Variants in KHDRBS2 observed in about 807,000 individuals in gnomAD.
The protein encoded by KHDRBS2 is KH RNA binding domain containing, signal transduction associated 2.
KHDRBS2 carries 26 observed loss-of-function variants against 44.3 expected under a neutral mutation model. The ratio of observed to expected loss-of-function variants is 0.59; its 90% CI spans 0.43 to 0.81. The LOEUF (loss-of-function observed/expected upper bound fraction) is 0.81. Among genes scored for constraint, KHDRBS2 ranks in the 40% least tolerant of loss-of-function variants. The pLI is 0.00. For missense variants in KHDRBS2, 476 were observed against 433.1 expected (o/e 1.10, Z -0.88); for synonymous variants, 194 against 151.1 (o/e 1.28, Z -2.08).
chr6:62,281,776 A>C (rs1370532514), intron 1 of KHDRBS2, among the ~76,000 whole-genome samples: 1 of 152,158 alleles, frequency 6.6e-6, no homozygotes, highest in African/African-American at 2.4e-5. Context: ...TAGATGAAGA[A>C]ACTGAGTATC....
At chr6:61,550,766 C>CTTT in the KHDRBS2 span, among the ~76,000 whole-genome samples, 19,641 of 116,638 alleles carry the variant, frequency 0.17, 2,272 homozygotes, top group African/African-American at 0.23. Flanking sequence ...GAGATGGTAT[C>CTTT]TTTTTTTTTT....
intron 1 of KHDRBS2, among the ~76,000 whole-genome samples, chr6:62,240,651 T>A (rs1834458930): frequency 1.1e-5 from 1 of 92,916 alleles, no homozygotes; most frequent in Non-Finnish European, 2.1e-5. Context: ...TGTGTGTGTA[T>A]GTGTGTATGT....
the KHDRBS2 span, among the ~76,000 whole-genome samples, chr6:61,608,003 T>G: frequency 2.0e-5 from 3 of 152,132 alleles, no homozygotes; most frequent in African/African-American, 7.2e-5. Flanking sequence ...ATTTCTTTAA[T>G]GTAGCCAATG....
At chr6:61,635,543 A>C in the KHDRBS2 span, among the ~76,000 whole-genome samples, 1 of 152,028 alleles carries the variant, frequency 6.6e-6, no homozygotes, top group Non-Finnish European at 1.5e-5. Flanking sequence ...GTTGCATATC[A>C]CCTGAAATTG....
At chr6:61,781,415 G>C (rs966872519) in intron 6 of KHDRBS2, among the ~76,000 whole-genome samples, 2 of 152,024 alleles carry the variant, frequency 1.3e-5, no homozygotes, top group Non-Finnish European at 2.9e-5. Flanking sequence ...CTAGAAATTT[G>C]TTTTTGAAAA....
At chr6:62,021,906 T>C (rs1422878109) in intron 3 of KHDRBS2, among the ~76,000 whole-genome samples, 2 of 138,484 alleles carry the variant, frequency 1.4e-5, no homozygotes, top group East Asian at 4.2e-4. Flanking sequence ...ATATGCTTTG[T>C]GAAAAAAGGT....
rs1821324076 is a variant in KHDRBS2, at chr6:62,177,267, T to C, written c.137A>G (p.Glu46Gly). The C allele has an allele frequency of 1.2e-6, 2 of 1,602,230 alleles. No individual in the cohort carries two copies. The highest frequency in any genetic ancestry group is 1.7e-6 in the Non-Finnish European group (2 of 1,171,726). Residue 46 changes from glutamate to glycine, a missense_variant, in exon 2 of 9, where the codon GAA (glutamate) becomes GGA (glycine). Transcript: ENST00000281156. ...GCTGATGACATCAAGATACTTCTTTTCTTCGTCTTCCTTTTTTCCATCAGA... is the reference window on the plus strand; with the variant it reads ...GCTGATGACATCAAGATACTTCTTTCCTTCGTCTTCCTTTTTTCCATCAGA... Reference protein sequence around the residue: ...QGSDGKKEDEEKKYLDVISNK... With the variant: ...QGSDGKKEDEGKKYLDVISNK...
At chr6:61,880,710 A>C (rs1800084705) in intron 6 of KHDRBS2, among the ~76,000 whole-genome samples, 1 of 151,906 alleles carries the variant, frequency 6.6e-6, no homozygotes, top group Non-Finnish European at 1.5e-5. Flanking sequence ...TATCTCCTAA[A>C]ATCTTTTCCT....
At chr6:62,191,435 C>T (rs1352458681) in intron 1 of KHDRBS2, among the ~76,000 whole-genome samples, 3 of 152,060 alleles carry the variant, frequency 2.0e-5, no homozygotes, top group South Asian at 2.1e-4. Flanking sequence ...TGCATGACTG[C>T]CCCATCCCAG....
At chr6:61,657,030 G>T in the KHDRBS2 span, among the ~76,000 whole-genome samples, 1 of 151,862 alleles carries the variant, frequency 6.6e-6, no homozygotes, top group East Asian at 1.9e-4. Flanking sequence ...AGAAAGGAGT[G>T]GGGAAGCCGA....
intron 6 of KHDRBS2, among the ~76,000 whole-genome samples, chr6:61,849,547 AT>A (rs1248739567): frequency 2.0e-5 from 3 of 151,932 alleles, no homozygotes; most frequent in Middle Eastern, 3.4e-3. Flanking sequence ...GAAATTTAAC[AT>A]TTTTCTTTGG....
chr6:62,173,406 A>G (rs375914883), intron 2 of KHDRBS2, among the ~76,000 whole-genome samples: 1 of 152,208 alleles, frequency 6.6e-6, no homozygotes, highest in African/African-American at 2.4e-5. Flanking sequence ...GAATCCCTAA[A>G]CAGACCAATA....
chr6:61,966,056 T>C (rs1769861336), intron 4 of KHDRBS2, among the ~76,000 whole-genome samples: 1 of 151,998 alleles, frequency 6.6e-6, no homozygotes, highest in Admixed American at 6.6e-5. Flanking sequence ...GACCAACTGT[T>C]ATGATTGATA....
intron 1 of KHDRBS2, among the ~76,000 whole-genome samples, chr6:62,272,552 T>C (rs1840256908): frequency 1.3e-5 from 2 of 152,204 alleles, no homozygotes; most frequent in African/African-American, 4.8e-5. Context: ...ATGCTCACCA[T>C]GGATCATAGC....
rs146872490 is a variant in KHDRBS2, at chr6:61,884,238, C to A, written c.810+10397G>T. Among the ~76,000 whole-genome samples the A allele has an allele frequency of 1.5e-3, 229 of 152,074 alleles. 1 individual carries two copies. Among genetic ancestry groups the A allele is most frequent in the Admixed American group, 3.9e-3 (60 of 15,248 alleles). On this transcript the variant is annotated intron_variant, in intron 6 of 8. Transcript: ENST00000281156. ...TAGATGATAGGATAGGCTGGAATGC[C>A]GATAGGCTTACTTAAGGCTGATGAA...
intron 7 of KHDRBS2, among the ~76,000 whole-genome samples, chr6:61,717,115 TA>T (rs377359780): frequency 1.8e-4 from 28 of 152,168 alleles, no homozygotes; most frequent in African/African-American, 6.3e-4. Flanking sequence ...TAACTCTTCT[TA>T]TTAGAGTTTC....
At chr6:61,941,464 C>T (rs1367903951) in intron 4 of KHDRBS2, among the ~76,000 whole-genome samples, 3 of 152,084 alleles carry the variant, frequency 2.0e-5, no homozygotes, top group African/African-American at 7.2e-5. Flanking sequence ...ATAGGCCAAA[C>T]TGGACCCATT....
chr6:62,177,610 A>C (rs1821414415), intron 1 of KHDRBS2, among the ~76,000 whole-genome samples: 2 of 151,428 alleles, frequency 1.3e-5, no homozygotes, highest in South Asian at 2.1e-4. Context: ...ACACAACAAA[A>C]AGGTAATATA....
intron 6 of KHDRBS2, among the ~76,000 whole-genome samples, chr6:61,846,397 T>A (rs1291026155): frequency 6.6e-6 from 1 of 152,186 alleles, no homozygotes; most frequent in Admixed American, 6.5e-5. Context: ...ATAAATTCCA[T>A]AAAATGAGTC....
Sources: gnomAD v4.1 joint callset for allele counts (sites outside exome capture counted in the v4.1 genomes callset) on GRCh38, gnomAD v4.1.1 for gene constraint, MANE v1.5 for transcripts, NCBI Gene and HGNC (gene_info 2026-07-23, HGNC 2026-07-21) for gene names.